Variants in PDE4D observed in about 807,000 individuals in gnomAD.
PDE4D encodes the protein 3',5'-cyclic-AMP phosphodiesterase 4D.
In PDE4D, 24 loss-of-function variants were observed where a neutral mutation model predicts 87.4. That is an observed-to-expected ratio of 0.27 (90% CI 0.20 to 0.39). The LOEUF (loss-of-function observed/expected upper bound fraction) is 0.39, where lower values mean the gene tolerates loss of function less well. PDE4D is among the 10% of genes least tolerant of loss of function. The pLI is 1.00. For missense variants in PDE4D, 714 were observed against 1,041.0 expected, an observed-to-expected ratio of 0.69 and a Z score of 4.32; for synonymous variants, 384 against 383.2, an observed-to-expected ratio of 1.00 and a Z score of -0.02.
At chr5:59,222,227 C>T (rs780404676) in intron 1 of PDE4D, among the ~76,000 whole-genome samples, 13 of 152,290 alleles carry the variant, frequency 8.5e-5, no homozygotes, top group Middle Eastern at 3.4e-3. Flanking sequence ...CTCAACTGCT[C>T]GCATACTTTG....
intron 5 of PDE4D, among the ~76,000 whole-genome samples, chr5:59,149,830 CAG>C (rs1340935191): frequency 1.4e-5 from 2 of 146,066 alleles, no homozygotes; most frequent in Non-Finnish European, 3.0e-5. Flanking sequence ...AAAGGAACAA[CAG>C]ACTCATTAGA....
chr5:59,202,620 G>GT (rs947232539), intron 2 of PDE4D, among the ~76,000 whole-genome samples: 5 of 152,094 alleles, frequency 3.3e-5, no homozygotes, highest in Non-Finnish European at 7.4e-5. Context: ...GAGGAGCCTG[G>GT]TGGGAGATGA....
intron 1 of PDE4D, among the ~76,000 whole-genome samples, chr5:60,256,316 C>G (rs915931458): frequency 5.3e-5 from 8 of 151,844 alleles, no homozygotes; most frequent in Non-Finnish European, 1.2e-4. Context: ...TTAAGCATGG[C>G]CTCATCAGAG....
At chr5:59,947,412 G>C (rs543471802) in intron 3 of PDE4D, among the ~76,000 whole-genome samples, 2 of 152,078 alleles carry the variant, frequency 1.3e-5, no homozygotes, top group South Asian at 4.1e-4. Flanking sequence ...TGGGCGGCCC[G>C]GGGGAGGTAG....
At chr5:59,762,325 T>G (rs1461634124) in intron 1 of PDE4D, among the ~76,000 whole-genome samples, 2 of 147,724 alleles carry the variant, frequency 1.4e-5, no homozygotes, top group Admixed American at 1.3e-4. Context: ...TGGGTACACA[T>G]ATGCGTATAT....
At chr5:59,536,774 G>T (rs1167734025) in intron 1 of PDE4D, among the ~76,000 whole-genome samples, 1 of 151,906 alleles carries the variant, frequency 6.6e-6, no homozygotes, top group African/African-American at 2.4e-5. Context: ...ACACTGAATG[G>T]CACTATAGAA....
At chr5:59,461,048 A>G (rs1048851069) in intron 1 of PDE4D, among the ~76,000 whole-genome samples, 1 of 152,204 alleles carries the variant, frequency 6.6e-6, no homozygotes, top group Admixed American at 6.5e-5. Flanking sequence ...AAGCAAAGTC[A>G]GGAATGAATT....
At chr5:59,166,346 C>T (rs1198195429) in intron 5 of PDE4D, 1 of 152,216 alleles carries the variant, frequency 6.6e-6, no homozygotes, top group African/African-American at 2.4e-5. Context: ...GGGCTCCTCT[C>T]TGATCCACTG....
chr5:59,560,888 T>C (rs543340238), intron 1 of PDE4D: 2 of 152,332 alleles, frequency 1.3e-5, no homozygotes, highest in Admixed American at 1.3e-4. Flanking sequence ...GGAGAGTTTG[T>C]ATTTTATCTT....
At chr5:59,137,309 G>T (rs1250492045) in intron 5 of PDE4D, among the ~76,000 whole-genome samples, 1 of 152,106 alleles carries the variant, frequency 6.6e-6, no homozygotes, top group Non-Finnish European at 1.5e-5. Flanking sequence ...CAGGAGAAAA[G>T]AAGCTATTGT....
intron 1 of PDE4D, among the ~76,000 whole-genome samples, chr5:59,725,437 C>A (rs139782156): frequency 7.2e-5 from 11 of 152,074 alleles, no homozygotes; most frequent in African/African-American, 2.2e-4. Context: ...TAACAAAAAG[C>A]CTTTGAAATA....
chr5:59,768,707 G>T, intron 1 of PDE4D: 2 of 1,319,204 alleles, frequency 1.5e-6, no homozygotes, highest in Non-Finnish European at 2.0e-6. Flanking sequence ...CGTATTAAAC[G>T]TCACCCCTCC....
intron 5 of PDE4D, among the ~76,000 whole-genome samples, chr5:59,109,274 A>G (rs1446772944): frequency 1.3e-5 from 2 of 152,230 alleles, no homozygotes; most frequent in African/African-American, 4.8e-5. Context: ...TAAAACAAAC[A>G]CAGTTCCTTC....
At chr5:59,108,441 T>C (rs1771992776) in intron 5 of PDE4D, among the ~76,000 whole-genome samples, 3 of 152,104 alleles carry the variant, frequency 2.0e-5, no homozygotes. Flanking sequence ...TTAGTGTACA[T>C]GTGTATGTGC....
At chr5:59,346,892 G>T (rs566669831) in intron 1 of PDE4D, among the ~76,000 whole-genome samples, 2 of 152,140 alleles carry the variant, frequency 1.3e-5, no homozygotes, top group Non-Finnish European at 2.9e-5. Flanking sequence ...TTATTTGAGC[G>T]ATGAAATGTT....
At chr5:59,810,692 C>A (rs566767060) in intron 1 of PDE4D, among the ~76,000 whole-genome samples, 1 of 152,194 alleles carries the variant, frequency 6.6e-6, no homozygotes, top group African/African-American at 2.4e-5. Flanking sequence ...CCACCTGAAA[C>A]GCAGAAGCCC....
At chr5:58,980,229 T>C (rs901582514) in intron 11 of PDE4D, among the ~76,000 whole-genome samples, 10 of 152,268 alleles carry the variant, frequency 6.6e-5, no homozygotes, top group Non-Finnish European at 1.3e-4. Context: ...AATATTTACA[T>C]AGACATACTC....
At chr5:59,278,910 CTCTTA>C (rs1273664483) in intron 1 of PDE4D, among the ~76,000 whole-genome samples, 1 of 152,106 alleles carries the variant, frequency 6.6e-6, no homozygotes, top group Non-Finnish European at 1.5e-5. Context: ...ATCTCCCTTT[CTCTTA>C]TCATCCAATG....
Position 58,976,326 on chromosome 5 carries a change from G to C in PDE4D, c.1830+24C>G, listed in dbSNP as rs181128611. ...ACATGTGCACAGACACACACACACA[G>C]AGCAAACTCAAACAAGGCTTTACCT... On this transcript the variant is annotated intron_variant, in intron 13 of 14. Transcript: ENST00000340635. The C allele has an allele frequency of 3.6e-4, 587 of 1,610,616 alleles. 2 individuals are homozygous for C. Among genetic ancestry groups the C allele is most frequent in the East Asian group, 2.1e-3 (95 of 44,756 alleles).
Sources: allele counts gnomAD v4.1 joint callset (sites outside exome capture counted in the v4.1 genomes callset), GRCh38; gene constraint gnomAD v4.1.1; transcripts MANE v1.5; gene names NCBI Gene and HGNC (gene_info 2026-07-23, HGNC 2026-07-21).